The following FAM227B variants were observed in gnomAD, a reference collection of about 807,000 sequenced individuals.
The protein encoded by FAM227B is family with sequence similarity 227 member B, also known as protein FAM227B.
Under a neutral mutation model 73.8 loss-of-function variants are expected in FAM227B, and 88 were observed. The ratio of observed to expected loss-of-function variants is 1.19; its 90% CI spans 1.00 to 1.42. The LOEUF (loss-of-function observed/expected upper bound fraction) is 1.42. Among genes scored for constraint, FAM227B ranks in the 40% most tolerant of loss-of-function variants. The pLI, the probability that FAM227B is intolerant of heterozygous loss-of-function variation, is 0.00. For synonymous variants in FAM227B, 210 were observed against 190.5 expected, an observed-to-expected ratio of 1.10 and a Z score of -0.84; for missense variants, 632 against 590.9, an observed-to-expected ratio of 1.07 and a Z score of -0.72.
intron 10 of FAM227B, among the ~76,000 whole-genome samples, chr15:49,520,258 A>G (rs897848336): frequency 6.6e-6 from 1 of 152,198 alleles, no homozygotes; most frequent in Non-Finnish European, 1.5e-5. Flanking sequence ...GCCATTCAAC[A>G]AATCTCTAGG....
At chr15:49,338,229 G>A (rs1245075892) in intron 13 of FAM227B, among the ~76,000 whole-genome samples, 1 of 152,060 alleles carries the variant, frequency 6.6e-6, no homozygotes, top group African/African-American at 2.4e-5. Flanking sequence ...TAGCATTGAT[G>A]GTCTTTACAA....
chr15:49,459,626 G>A lies in FAM227B; in HGVS notation c.1012+48585C>T, dbSNP rs150404634. ...TATTGCTTTTATGTAAATTTATAGAGTTTGAGGAATAATTAAAACTAGTAT... is the reference window on the plus strand; with the variant it reads ...TATTGCTTTTATGTAAATTTATAGAATTTGAGGAATAATTAAAACTAGTAT... On this transcript the variant is annotated intron_variant, in intron 11 of 15. Transcript: ENST00000299338. Among the ~76,000 whole-genome samples the A allele has an allele frequency of 3.6e-3, 546 of 152,070 alleles. 3 individuals carry two copies. The highest frequency in any genetic ancestry group is 0.012 in the African/African-American group (516 of 41,466).
At chr15:49,610,393 C>T (rs567083759) in intron 3 of FAM227B, among the ~76,000 whole-genome samples, 32 of 140,120 alleles carry the variant, frequency 2.3e-4, no homozygotes, top group African/African-American at 7.4e-4. Context: ...TTCATCTGAG[C>T]GCAATCCTTT....
chr15:49,359,747 C>A (rs1315981149), intron 13 of FAM227B, among the ~76,000 whole-genome samples: 3 of 135,972 alleles, frequency 2.2e-5, no homozygotes, highest in Non-Finnish European at 4.8e-5. Flanking sequence ...GGGTATATAC[C>A]CAAAGGACTA....
chr15:49,331,770 G>A lies in FAM227B; in HGVS notation c.1419+10C>T, dbSNP rs1161169276. The A allele has an allele frequency of 4.5e-6, 7 of 1,542,920 alleles. No homozygotes were observed. The highest frequency in any genetic ancestry group is 6.3e-6 in the Non-Finnish European group (7 of 1,115,714). Reference sequence around the variant, plus strand: ...GAGAATTCTCAATTATTTTCAGAAAGAAAACCTACCAGTTTATGTAGGAAC... The same window carrying A: ...GAGAATTCTCAATTATTTTCAGAAAAAAAACCTACCAGTTTATGTAGGAAC... On this transcript the variant is annotated intron_variant, in intron 15 of 15. Transcript: ENST00000299338.
chr15:49,366,142 G>T, intron 13 of FAM227B: 1 of 987,272 alleles, frequency 1.0e-6, no homozygotes, highest in Non-Finnish European at 1.6e-6. Context: ...ATGCCACAGT[G>T]AACACAGCAA....
intron 11 of FAM227B, chr15:49,489,480 C>T (rs2056692769): frequency 2.3e-6 from 1 of 428,372 alleles, no homozygotes; most frequent in African/African-American, 2.2e-5. Flanking sequence ...AATGTAGCTG[C>T]AAAACTAACA....
intron 9 of FAM227B, among the ~76,000 whole-genome samples, chr15:49,544,905 C>A (rs2152283137): frequency 6.6e-6 from 1 of 152,230 alleles, no homozygotes; most frequent in East Asian, 1.9e-4. Context: ...AATTGGTTAG[C>A]TAGTATTTCG....
At chr15:49,557,221 A>G (rs1421850771) in intron 9 of FAM227B, among the ~76,000 whole-genome samples, 4 of 151,870 alleles carry the variant, frequency 2.6e-5, no homozygotes, top group Non-Finnish European at 5.9e-5. Context: ...AGAAATTATT[A>G]TTTACTTTAT....
intron 14 of FAM227B, chr15:49,334,203 GAAT>G: frequency 1.0e-6 from 1 of 969,218 alleles, no homozygotes; most frequent in Non-Finnish European, 1.2e-6. Flanking sequence ...CTACCAAGCT[GAAT>G]AAGAGACAAA....
At chr15:49,402,124 A>T (rs2048204802) in intron 11 of FAM227B, among the ~76,000 whole-genome samples, 1 of 152,164 alleles carries the variant, frequency 6.6e-6, no homozygotes, top group Non-Finnish European at 1.5e-5. Flanking sequence ...ACCTCTGGTG[A>T]CAAGTAACAT....
At chr15:49,586,914 A>G (rs143107441) in intron 5 of FAM227B, among the ~76,000 whole-genome samples, 5 of 152,320 alleles carry the variant, frequency 3.3e-5, no homozygotes, top group East Asian at 1.9e-4. Flanking sequence ...GGGAATGCTT[A>G]TAATACACAG....
At chr15:49,593,977 C>T (rs182258872) in intron 3 of FAM227B, among the ~76,000 whole-genome samples, 1 of 152,316 alleles carries the variant, frequency 6.6e-6, no homozygotes, top group African/African-American at 2.4e-5. Context: ...AATGGTAGAT[C>T]TACTTTTAGT....
At chr15:49,613,197 T>A (rs964642501) in intron 2 of FAM227B, among the ~76,000 whole-genome samples, 4 of 151,858 alleles carry the variant, frequency 2.6e-5, no homozygotes, top group South Asian at 2.1e-4. Context: ...TAAAAAATTT[T>A]AAAAAAAGGT....
intron 11 of FAM227B, among the ~76,000 whole-genome samples, chr15:49,392,421 G>A (rs1032904095): frequency 6.6e-6 from 1 of 152,190 alleles, no homozygotes; most frequent in Non-Finnish European, 1.5e-5. Flanking sequence ...GGATGCAAAA[G>A]AGACTGTGCA....
intron 11 of FAM227B, among the ~76,000 whole-genome samples, chr15:49,478,527 T>A (rs1250887269): frequency 1.3e-5 from 2 of 152,168 alleles, no homozygotes; most frequent in Non-Finnish European, 1.5e-5. Flanking sequence ...CAGAAAATCA[T>A]AAAATGTATT....
At chr15:49,346,727 C>A (rs180946384) in intron 13 of FAM227B, among the ~76,000 whole-genome samples, 16 of 152,204 alleles carry the variant, frequency 1.1e-4, no homozygotes, top group African/African-American at 3.9e-4. Context: ...GCCCATTATA[C>A]ACATAATGCT....
At chr15:49,450,317 T>C (rs1186149091) in intron 11 of FAM227B, among the ~76,000 whole-genome samples, 2 of 152,104 alleles carry the variant, frequency 1.3e-5, no homozygotes, top group East Asian at 3.9e-4. Flanking sequence ...CTTCCAAATC[T>C]TGGAATTTTT....
intron 11 of FAM227B, among the ~76,000 whole-genome samples, chr15:49,491,716 CAT>C (rs1254748332): frequency 4.4e-5 from 6 of 135,496 alleles, no homozygotes; most frequent in Non-Finnish European, 4.7e-5. Context: ...CACACACACA[CAT>C]ATGCACACAC....
Sources: gnomAD v4.1 joint callset for allele counts (sites outside exome capture counted in the v4.1 genomes callset) on GRCh38, gnomAD v4.1.1 for gene constraint, MANE v1.5 for transcripts, NCBI Gene and HGNC (gene_info 2026-07-23, HGNC 2026-07-21) for gene names.